Variants in TMEM132D observed in about 807,000 individuals in gnomAD.
TMEM132D encodes transmembrane protein 132D.
A neutral mutation model predicts 62.3 loss-of-function variants in TMEM132D; 21 were observed. The observed-to-expected ratio is 0.34, with a 90% CI of 0.24 to 0.49. TMEM132D has a LOEUF of 0.49. Among genes scored for constraint, TMEM132D ranks in the 20% least tolerant of loss-of-function variants. TMEM132D has a pLI of 0.99. For missense variants in TMEM132D, 1,346 were observed against 1,402.8 expected, an observed-to-expected ratio of 0.96 and a Z score of 0.65; for synonymous variants, 621 against 575.6, an observed-to-expected ratio of 1.08 and a Z score of -1.13.
intron 2 of TMEM132D, among the ~76,000 whole-genome samples, chr12:129,603,725 T>C (rs1055839505): frequency 2.6e-5 from 4 of 152,110 alleles, no homozygotes; most frequent in African/African-American, 7.2e-5. Context: ...TTGGTGGGAG[T>C]GTAAATTAGT....
chr12:129,721,703 CT>C (rs771738794), intron 1 of TMEM132D, among the ~76,000 whole-genome samples: 1 of 152,202 alleles, frequency 6.6e-6, no homozygotes, highest in Non-Finnish European at 1.5e-5. Flanking sequence ...CAAGCAGAAG[CT>C]CTGCCCCATG....
chr12:129,265,775 A>G lies in TMEM132D; in HGVS notation c.1300-56112T>C, dbSNP rs1157731087. On this transcript the variant is annotated intron_variant, in intron 4 of 8. Transcript: ENST00000422113. ...ATGCTCAGTCCCTCTCTTCCTTCAC[A>G]TGTCATGTTCTCAGCCAGGTCTTCT... 3.3e-5 allele frequency among the ~76,000 whole-genome samples: 5 copies of G among 151,742 alleles called. No individual in the cohort carries two copies. In the East Asian group the frequency reaches 7.8e-4, roughly 24 times the overall value.
At chr12:129,561,115 T>C (rs1302334713) in intron 2 of TMEM132D, among the ~76,000 whole-genome samples, 2 of 152,112 alleles carry the variant, frequency 1.3e-5, no homozygotes, top group African/African-American at 2.4e-5. Context: ...ATTGGGGACT[T>C]AATTTGGTTT....
At chr12:129,312,153 G>T (rs970066385) in intron 4 of TMEM132D, among the ~76,000 whole-genome samples, 14 of 152,178 alleles carry the variant, frequency 9.2e-5, no homozygotes, top group African/African-American at 3.1e-4. Flanking sequence ...AAACAGCAGA[G>T]GAGATGAAGA....
chr12:129,228,027 G>C (rs942679414), intron 4 of TMEM132D, among the ~76,000 whole-genome samples: 17 of 152,162 alleles, frequency 1.1e-4, no homozygotes, highest in African/African-American at 4.1e-4. Context: ...GGACATCGAC[G>C]CTGTGTACAA....
chr12:129,144,586 G>A (rs1876835876), intron 5 of TMEM132D, among the ~76,000 whole-genome samples: 1 of 152,078 alleles, frequency 6.6e-6, no homozygotes, highest in Non-Finnish European at 1.5e-5. Context: ...GCCCTAGCTG[G>A]GCTTCCAAAT....
intron 2 of TMEM132D, among the ~76,000 whole-genome samples, chr12:129,574,362 A>G (rs371472811): frequency 6.6e-6 from 1 of 152,036 alleles, no homozygotes; most frequent in East Asian, 1.9e-4. Context: ...ATTGGGGGAT[A>G]TATACATGCT....
At chr12:129,443,760 G>A (rs1400094606) in intron 3 of TMEM132D, among the ~76,000 whole-genome samples, 1 of 152,188 alleles carries the variant, frequency 6.6e-6, no homozygotes, top group Non-Finnish European at 1.5e-5. Flanking sequence ...TTCAGAGGAT[G>A]TGTGTCCTTC....
At chr12:129,671,064 A>G (rs1880489238) in intron 2 of TMEM132D, among the ~76,000 whole-genome samples, 1 of 152,244 alleles carries the variant, frequency 6.6e-6, no homozygotes, top group Non-Finnish European at 1.5e-5. Flanking sequence ...AGGAGTCACT[A>G]AAAACTTCCT....
chr12:129,147,189 T>C (rs1217673094), intron 5 of TMEM132D, among the ~76,000 whole-genome samples: 5 of 151,162 alleles, frequency 3.3e-5, no homozygotes, highest in Non-Finnish European at 5.9e-5. Flanking sequence ...TATATACACA[T>C]ATATATTTAC....
At chr12:129,296,913 C>T (rs751375545) in intron 4 of TMEM132D, among the ~76,000 whole-genome samples, 3 of 152,184 alleles carry the variant, frequency 2.0e-5, no homozygotes, top group Non-Finnish European at 4.4e-5. Flanking sequence ...TTCTGGAAGA[C>T]AGTACAAAGG....
At chr12:129,492,979 G>A (rs552796254) in intron 3 of TMEM132D, among the ~76,000 whole-genome samples, 8 of 152,142 alleles carry the variant, frequency 5.3e-5, no homozygotes, top group South Asian at 2.1e-4. Flanking sequence ...AAGTCACCCC[G>A]CGGAACCTCC....
chr12:129,327,260 G>C (rs900624684), intron 4 of TMEM132D, among the ~76,000 whole-genome samples: 12 of 152,162 alleles, frequency 7.9e-5, no homozygotes, highest in African/African-American at 2.4e-4. Flanking sequence ...GACCCCAGGG[G>C]CACACAGCAG....
chr12:129,540,062 C>A (rs1177193328), intron 2 of TMEM132D, among the ~76,000 whole-genome samples: 1 of 49,100 alleles, frequency 2.0e-5, no homozygotes, highest in African/African-American at 9.5e-5. Flanking sequence ...AGTCTGTGGG[C>A]TTTTATTTTT....
intron 2 of TMEM132D, among the ~76,000 whole-genome samples, chr12:129,535,318 A>G (rs150284346): frequency 6.6e-6 from 1 of 152,320 alleles, no homozygotes; most frequent in East Asian, 1.9e-4. Flanking sequence ...TGACTGCAAG[A>G]GCAGCGAGTG....
intron 5 of TMEM132D, among the ~76,000 whole-genome samples, chr12:129,112,303 G>C (rs1047139752): frequency 2.0e-5 from 3 of 152,170 alleles, no homozygotes; most frequent in African/African-American, 7.2e-5. Context: ...AGGAACCAGG[G>C]TTTACACCCG....
chr12:129,084,177 G>C (rs927416023), intron 6 of TMEM132D, among the ~76,000 whole-genome samples: 1 of 152,084 alleles, frequency 6.6e-6, no homozygotes, highest in Non-Finnish European at 1.5e-5. Flanking sequence ...GTGTTTGAGG[G>C]CCTTGGCTAC....
intron 3 of TMEM132D, among the ~76,000 whole-genome samples, chr12:129,491,573 T>C (rs1011692346): frequency 2.6e-4 from 40 of 152,194 alleles, no homozygotes; most frequent in African/African-American, 9.7e-4. Context: ...CCATGGAAAC[T>C]ATGCATTGAA....
At chr12:129,711,264 A>G (rs1185318131) in intron 1 of TMEM132D, among the ~76,000 whole-genome samples, 1 of 152,184 alleles carries the variant, frequency 6.6e-6, no homozygotes, top group African/African-American at 2.4e-5. Context: ...GGCGCCATGC[A>G]TGGCTCCTCT....
Sources: allele counts gnomAD v4.1 joint callset (sites outside exome capture counted in the v4.1 genomes callset), GRCh38; gene constraint gnomAD v4.1.1; transcripts MANE v1.5; gene names NCBI Gene and HGNC (gene_info 2026-07-23, HGNC 2026-07-21).